The following GPHN variants were observed in gnomAD, a reference collection of about 807,000 sequenced individuals.
The protein encoded by GPHN is gephyrin.
GPHN carries 17 observed loss-of-function variants against 95.5 expected under a neutral mutation model. That is an observed-to-expected ratio of 0.18 (90% CI 0.12 to 0.27). The LOEUF is 0.27. Ranked by LOEUF, GPHN falls within the 10% of genes least tolerant of loss-of-function variation. The pLI, the probability that GPHN is intolerant of heterozygous loss-of-function variation, is 1.00. For missense variants in GPHN, 660 were observed against 978.1 expected (o/e 0.67, Z 4.34); for synonymous variants, 320 against 322.5 (o/e 0.99, Z 0.08).
intron 1 of GPHN, among the ~76,000 whole-genome samples, chr14:66,591,556 A>G (rs2061650395): frequency 1.3e-5 from 2 of 152,216 alleles, no homozygotes; most frequent in African/African-American, 2.4e-5. Context: ...CCCATTCACA[A>G]TTGCTACAAA....
chr14:67,172,697 T>C (rs1412600524), intron 21 of GPHN, among the ~76,000 whole-genome samples: 1 of 152,174 alleles, frequency 6.6e-6, no homozygotes, highest in Non-Finnish European at 1.5e-5. Context: ...CCCTAGTGTC[T>C]GAGCAGCTGA....
At chr14:67,164,242 T>TG (rs2082134900) in intron 19 of GPHN, among the ~76,000 whole-genome samples, 1 of 106,244 alleles carries the variant, frequency 9.4e-6, no homozygotes, top group South Asian at 3.4e-4. Flanking sequence ...CACGCTAGCC[T>TG]GGGCGACAAA....
intron 2 of GPHN, among the ~76,000 whole-genome samples, chr14:66,714,021 G>C (rs781769233): frequency 1.3e-5 from 2 of 152,094 alleles, no homozygotes; most frequent in Non-Finnish European, 2.9e-5. Context: ...TGCCCGCCTT[G>C]GCCTCCCAAA....
chr14:66,987,842 G>A (rs558574415), intron 9 of GPHN, among the ~76,000 whole-genome samples: 3 of 152,188 alleles, frequency 2.0e-5, no homozygotes, highest in South Asian at 2.1e-4. Context: ...AGTGAGAAAT[G>A]TATAATGCTA....
chr14:67,364,615 T>C, the GPHN span: 1 of 709,768 alleles, frequency 1.4e-6, no homozygotes, highest in East Asian at 3.0e-5. Context: ...TGTTTTCTGG[T>C]ACCACTTAAG....
the GPHN span, among the ~76,000 whole-genome samples, chr14:67,416,597 C>T: frequency 2.6e-5 from 4 of 152,190 alleles, no homozygotes; most frequent in Admixed American, 6.5e-5. Context: ...AGTTGCTCTG[C>T]TACAACAGAA....
intron 5 of GPHN, among the ~76,000 whole-genome samples, chr14:66,891,627 A>G (rs542475103): frequency 6.6e-6 from 1 of 152,294 alleles, no homozygotes; most frequent in Admixed American, 6.5e-5. Flanking sequence ...GGCAGCAAAC[A>G]AAAAACTAGA....
chr14:67,586,350 C>CT, the GPHN span: 1 of 1,434,914 alleles, frequency 7.0e-7, no homozygotes, highest in Non-Finnish European at 9.3e-7. Context: ...TTCACTTTTT[C>CT]TTTTTTATTC....
the GPHN span, chr14:67,360,719 C>T: frequency 6.5e-6 from 1 of 152,850 alleles, no homozygotes; most frequent in Admixed American, 6.5e-5. Flanking sequence ...TGTACAGCCT[C>T]TACAATATGC....
At chr14:67,643,971 GCCT>G in the GPHN span, among the ~76,000 whole-genome samples, 53 of 150,378 alleles carry the variant, frequency 3.5e-4, no homozygotes, top group Admixed American at 2.5e-3. Flanking sequence ...CAAGTCTCCT[GCCT>G]CCTTTCTCAG....
At chr14:67,037,326 A>T (rs1448967145) in intron 10 of GPHN, among the ~76,000 whole-genome samples, 1 of 152,038 alleles carries the variant, frequency 6.6e-6, no homozygotes, top group Non-Finnish European at 1.5e-5. Context: ...AATAGGTAAG[A>T]CCTGAAACTA....
chr14:67,424,244 A>AAAATAAATAAATAAATAAATAAAT, the GPHN span, among the ~76,000 whole-genome samples: 1 of 151,650 alleles, frequency 6.6e-6, no homozygotes, highest in African/African-American at 2.4e-5. Context: ...CTCTGTCTCA[A>AAAATAAATAAATAAATAAATAAAT]AAATAAATAA....
the GPHN span, among the ~76,000 whole-genome samples, chr14:67,699,606 A>G: frequency 5.3e-5 from 8 of 149,624 alleles, no homozygotes; most frequent in African/African-American, 1.7e-4. Context: ...AAAAAAAAAA[A>G]AAAAAAGAAA....
At chr14:66,618,982 T>C (rs1029530017) in intron 1 of GPHN, among the ~76,000 whole-genome samples, 2 of 152,216 alleles carry the variant, frequency 1.3e-5, no homozygotes, top group Non-Finnish European at 2.9e-5. Context: ...ATGATCAGTT[T>C]GCATTTTCTA....
intron 1 of GPHN, among the ~76,000 whole-genome samples, chr14:66,608,111 T>G (rs2062626599): frequency 6.6e-6 from 1 of 151,554 alleles, no homozygotes; most frequent in Admixed American, 6.6e-5. Flanking sequence ...TAATTTTTGA[T>G]GAATGCATTT....
At chr14:67,025,287 T>C (rs2073868013) in intron 10 of GPHN, among the ~76,000 whole-genome samples, 1 of 152,190 alleles carries the variant, frequency 6.6e-6, no homozygotes, top group Admixed American at 6.5e-5. Context: ...TTGTTGTATC[T>C]CTGTAAGGGG....
At chr14:67,010,851 A>G (rs1481251055) in intron 9 of GPHN, among the ~76,000 whole-genome samples, 1 of 152,176 alleles carries the variant, frequency 6.6e-6, no homozygotes, top group Non-Finnish European at 1.5e-5. Context: ...AGTGGTTAGA[A>G]TTTAATAGCA....
intron 1 of GPHN, among the ~76,000 whole-genome samples, chr14:66,666,157 G>A (rs926518263): frequency 3.3e-5 from 5 of 151,834 alleles, no homozygotes; most frequent in Admixed American, 1.3e-4. Context: ...TGTAAATGAC[G>A]AGTTAATGGG....
chr14:66,810,226 C>G (rs1281325338), intron 3 of GPHN, among the ~76,000 whole-genome samples: 1 of 151,764 alleles, frequency 6.6e-6, no homozygotes, highest in African/African-American at 2.4e-5. Flanking sequence ...ATAGTAACAC[C>G]TATAGTACCA....
Sources: gnomAD v4.1 joint callset for allele counts (sites outside exome capture counted in the v4.1 genomes callset) on GRCh38, gnomAD v4.1.1 for gene constraint, MANE v1.5 for transcripts, NCBI Gene and HGNC (gene_info 2026-07-23, HGNC 2026-07-21) for gene names.